CCDC60: variants seen among roughly 807,000 people sequenced by gnomAD.
CCDC60 encodes the protein coiled-coil domain containing 60.
A neutral mutation model predicts 63.5 loss-of-function variants in CCDC60; 54 were observed. The observed-to-expected ratio is 0.85, with a 90% confidence interval of 0.68 to 1.07. The LOEUF is 1.07. Ranked by LOEUF, CCDC60 falls within the 50% of genes least tolerant of loss-of-function variation. The pLI, the probability that CCDC60 is intolerant of heterozygous loss-of-function variation, is 0.00. For missense variants in CCDC60, 651 were observed against 684.3 expected, an observed-to-expected ratio of 0.95 and a Z score of 0.54; for synonymous variants, 206 against 238.8, an observed-to-expected ratio of 0.86 and a Z score of 1.27.
At chr12:119,370,177 C>T (rs992622710) in intron 1 of CCDC60, among the ~76,000 whole-genome samples, 1 of 152,192 alleles carries the variant, frequency 6.6e-6, no homozygotes, top group Non-Finnish European at 1.5e-5. Context: ...TTCCAAACAA[C>T]ACAATCCATT....
intron 1 of CCDC60, among the ~76,000 whole-genome samples, chr12:119,361,564 A>G (rs549259636): frequency 5.9e-5 from 9 of 152,348 alleles, no homozygotes; most frequent in African/African-American, 2.2e-4. Context: ...CAAGGGTCGC[A>G]AAAGAATCAC....
chr12:119,521,915 C>T (rs1347164433), intron 9 of CCDC60, among the ~76,000 whole-genome samples: 1 of 152,162 alleles, frequency 6.6e-6, no homozygotes, highest in African/African-American at 2.4e-5. Flanking sequence ...GCTTCTTACC[C>T]AAGTAGGATG....
chr12:119,454,964 G>A lies in CCDC60; in HGVS notation c.171-17030G>A, dbSNP rs1170640153. ...CTGGAGCAGCTTCAGGCAACAGAAA[G>A]GAACTGAAAAAGGGGCTAACGGGCA... On this transcript the variant is annotated intron_variant, in intron 2 of 13. Transcript: ENST00000327554. 5.3e-5 allele frequency among the ~76,000 whole-genome samples: 8 copies of A among 152,154 alleles called. No individual in the cohort carries two copies. The East Asian group carries it at 7.7e-4, about 15-fold the overall frequency.
intron 1 of CCDC60, among the ~76,000 whole-genome samples, chr12:119,422,008 A>G (rs1477682072): frequency 6.6e-6 from 1 of 152,128 alleles, no homozygotes; most frequent in Non-Finnish European, 1.5e-5. Context: ...ACCACCTTTT[A>G]ACCTGGTACA....
intron 1 of CCDC60, among the ~76,000 whole-genome samples, chr12:119,375,855 G>A (rs1296253037): frequency 6.6e-6 from 1 of 152,150 alleles, no homozygotes; most frequent in African/African-American, 2.4e-5. Context: ...AATGAATCAA[G>A]TCCTCAGCTT....
intron 6 of CCDC60, among the ~76,000 whole-genome samples, chr12:119,501,431 T>C (rs145051373): frequency 1.6e-4 from 24 of 152,336 alleles, no homozygotes; most frequent in African/African-American, 2.4e-4. Flanking sequence ...AGCTGGGTAC[T>C]GGCAGAGCCA....
chr12:119,507,495 C>T (rs1593188623), intron 7 of CCDC60, among the ~76,000 whole-genome samples: 1 of 133,226 alleles, frequency 7.5e-6, no homozygotes, highest in East Asian at 2.4e-4. Flanking sequence ...CACATATATA[C>T]ATATATACAC....
intron 1 of CCDC60, among the ~76,000 whole-genome samples, chr12:119,396,210 C>T (rs1956251943): frequency 6.6e-6 from 1 of 152,134 alleles, no homozygotes; most frequent in Admixed American, 6.5e-5. Flanking sequence ...AATGCTGGGA[C>T]TACAAGCGTG....
chr12:119,399,308 T>C (rs1175417232), intron 1 of CCDC60, among the ~76,000 whole-genome samples: 1 of 152,188 alleles, frequency 6.6e-6, no homozygotes, highest in Non-Finnish European at 1.5e-5. Context: ...GGCATCCTCC[T>C]GTTGAAAGAG....
At chr12:119,462,114 A>T (rs1950866520) in intron 2 of CCDC60, among the ~76,000 whole-genome samples, 1 of 152,200 alleles carries the variant, frequency 6.6e-6, no homozygotes, top group South Asian at 2.1e-4. Context: ...AAATTCCACC[A>T]GAAGATTTGC....
At chr12:119,499,959 G>A in intron 5 of CCDC60, 119 bp from the exon 6 acceptor site, 1 of 769,134 alleles carries the variant, frequency 1.3e-6, no homozygotes, top group Admixed American at 1.9e-5. Flanking sequence ...AGGAGTGGGG[G>A]AGGAAATCCT....
At chr12:119,518,837 G>A (rs2136481701) in intron 8 of CCDC60, among the ~76,000 whole-genome samples, 1 of 152,202 alleles carries the variant, frequency 6.6e-6, no homozygotes, top group South Asian at 2.1e-4. Flanking sequence ...ATATGTCAAA[G>A]AGCAACAAGC....
chr12:119,456,765 G>C lies in CCDC60; in HGVS notation c.171-15229G>C, dbSNP rs1021026149. Among the ~76,000 whole-genome samples, 18 of 152,168 alleles carry C rather than the reference G, an allele frequency of 1.2e-4. No homozygotes were observed. Among genetic ancestry groups the C allele is most frequent in the Admixed American group, 9.8e-4 (15 of 15,282 alleles). ...ACTTCCTGACATTGCCATGGCATTG[G>C]TAAACTGTCATGGCGCTGACAGGAG... On this transcript the variant is annotated intron_variant, in intron 2 of 13. Coordinates refer to ENST00000327554, the MANE Select transcript of CCDC60 (RefSeq NM_178499.5). This position sits in a 1 kb window ranked among gnomAD's most constrained non-coding sequence, Gnocchi z 4.6.
In CCDC60 at chr12:119,528,727, G is replaced by A. The variant is rs573242338; in HGVS notation, c.1342G>A (p.Glu448Lys). Residue 448 changes from glutamate to lysine, a missense_variant, in exon 12 of 14, where the codon GAA (glutamate) becomes AAA (lysine). Transcript: ENST00000327554. Reference protein sequence around the residue: ...HHISVVKGDAEEIADHWYFDL... With the variant: ...HHISVVKGDAKEIADHWYFDL... ...CATATCTGTAGTAAAAGGAGATGCA[G>A]AAGAAATTGCAGACCACTGGTAAAT... The A allele has an allele frequency of 6.0e-5, 97 of 1,613,784 alleles. No individual in the cohort carries two copies. The South Asian group carries it at 8.9e-4, about 15-fold the overall frequency.
intron 2 of CCDC60, among the ~76,000 whole-genome samples, chr12:119,462,791 C>CGTTT (rs1950879534): frequency 2.8e-5 from 4 of 140,800 alleles, no homozygotes; most frequent in African/African-American, 1.0e-4. Flanking sequence ...CAACTAACTT[C>CGTTT]ATTTATTTAT....
intron 1 of CCDC60, among the ~76,000 whole-genome samples, chr12:119,401,594 A>C (rs1956393043): frequency 6.6e-6 from 1 of 152,194 alleles, no homozygotes; most frequent in Non-Finnish European, 1.5e-5. Context: ...TAGGTTTCTA[A>C]GGTGTTGGCA....
intron 13 of CCDC60, among the ~76,000 whole-genome samples, chr12:119,536,557 T>C (rs528889938): frequency 3.9e-4 from 59 of 152,344 alleles, no homozygotes; most frequent in African/African-American, 1.4e-3. Flanking sequence ...TGGTACCGGT[T>C]GTTCCTTTTT....
At chr12:119,507,358 A>G (rs1029258769) in intron 7 of CCDC60, among the ~76,000 whole-genome samples, 1 of 151,340 alleles carries the variant, frequency 6.6e-6, no homozygotes, top group Non-Finnish European at 1.5e-5. Context: ...TGAACAGAAG[A>G]AGTAGTATCT....
chr12:119,390,915 G>A (rs540506920), intron 1 of CCDC60, among the ~76,000 whole-genome samples: 9 of 152,326 alleles, frequency 5.9e-5, no homozygotes, highest in East Asian at 1.9e-4. Flanking sequence ...GCTTCCAGGC[G>A]GGGCAGCCAT....
Sources: allele counts gnomAD v4.1 joint callset (sites outside exome capture counted in the v4.1 genomes callset), GRCh38; gene constraint gnomAD v4.1.1; non-coding constraint Gnocchi (gnomAD v3.1); transcripts MANE v1.5; gene names NCBI Gene and HGNC (gene_info 2026-07-23, HGNC 2026-07-21).